TECRL: variants seen among roughly 807,000 people sequenced by gnomAD.
The protein encoded by TECRL is trans-2,3-enoyl-CoA reductase like.
A neutral mutation model predicts 52.8 loss-of-function variants in TECRL; 63 were observed. That is an observed-to-expected ratio of 1.19 (90% CI 0.97 to 1.47). TECRL has a LOEUF of 1.47. TECRL is among the 40% of genes most tolerant of loss of function. TECRL has a pLI of 0.00. For missense variants in TECRL, 482 were observed against 429.6 expected (o/e 1.12, Z -1.08); for synonymous variants, 164 against 141.9 (o/e 1.16, Z -1.10).
At chr4:64,301,658 A>T (rs926305065) in intron 7 of TECRL, among the ~76,000 whole-genome samples, 1 of 151,262 alleles carries the variant, frequency 6.6e-6, no homozygotes, top group African/African-American at 2.4e-5. Flanking sequence ...GATATCTTGT[A>T]ATCTGGGAGG....
intron 1 of TECRL, among the ~76,000 whole-genome samples, chr4:64,396,133 T>G (rs1203872961): frequency 7.1e-6 from 1 of 141,610 alleles, no homozygotes; most frequent in Admixed American, 7.3e-5. Flanking sequence ...GTGATGAATA[T>G]ACATGTGCAT....
At chr4:64,358,731 T>C (rs1462709957) in intron 2 of TECRL, among the ~76,000 whole-genome samples, 1 of 151,774 alleles carries the variant, frequency 6.6e-6, no homozygotes, top group Admixed American at 6.6e-5. Context: ...ACAAATTGAA[T>C]TTTAAAAATT....
intron 3 of TECRL, 60 bp from the exon 4 acceptor site, chr4:64,322,852 G>C: frequency 8.1e-7 from 1 of 1,229,242 alleles, no homozygotes. Context: ...TAACGATAAA[G>C]AATTTCTTAG....
At chr4:64,381,655 G>A (rs996291444) in intron 1 of TECRL, among the ~76,000 whole-genome samples, 3 of 151,816 alleles carry the variant, frequency 2.0e-5, no homozygotes, top group Non-Finnish European at 4.4e-5. Flanking sequence ...GTAATCATAT[G>A]CATTTTATCC....
chr4:64,354,960 A>G (rs1720661200), intron 2 of TECRL, among the ~76,000 whole-genome samples: 2 of 152,206 alleles, frequency 1.3e-5, no homozygotes, highest in South Asian at 4.1e-4. Flanking sequence ...AGTAAAAAGA[A>G]CCATGATATG....
At position 64,294,834 on chromosome 4, in the gene TECRL, C is replaced by T. The variant is rs543534126; in HGVS notation, c.775-5067G>A. Among the ~76,000 whole-genome samples, 60 of 151,902 alleles carry T rather than the reference C, an allele frequency of 3.9e-4. No individual in the cohort carries two copies. In the South Asian group the frequency reaches 0.012, roughly 32 times the overall value. On this transcript the variant is annotated intron_variant, in intron 8 of 11. Coordinates refer to ENST00000381210, the MANE Select transcript of TECRL (RefSeq NM_001010874.5). ...TGAATCAATATTTCAAAAATAAGGA[C>T]AATTGTAGCTAAATATATTATTACA...
intron 1 of TECRL, among the ~76,000 whole-genome samples, chr4:64,400,751 A>T (rs1453169067): frequency 6.6e-6 from 1 of 152,030 alleles, no homozygotes. Context: ...TGCTTTGGTC[A>T]TGGGAAGTGC....
At chr4:64,311,952 G>A (rs532970403) in intron 5 of TECRL, among the ~76,000 whole-genome samples, 7 of 152,114 alleles carry the variant, frequency 4.6e-5, no homozygotes, top group South Asian at 2.1e-4. Flanking sequence ...GAGGCATGGC[G>A]CTACACCAGG....
intron 7 of TECRL, among the ~76,000 whole-genome samples, chr4:64,300,934 T>C (rs963029525): frequency 6.6e-6 from 1 of 151,004 alleles, no homozygotes; most frequent in South Asian, 2.1e-4. Context: ...GTGTGATAAA[T>C]AATACTGCTT....
chr4:64,333,591 C>A (rs551249470), intron 2 of TECRL, among the ~76,000 whole-genome samples: 47 of 152,144 alleles, frequency 3.1e-4, no homozygotes, highest in Middle Eastern at 3.4e-3. Context: ...ATATATACAA[C>A]CATAATGTAC....
intron 6 of TECRL, among the ~76,000 whole-genome samples, chr4:64,306,277 T>C (rs1210580253): frequency 6.6e-6 from 1 of 152,074 alleles, no homozygotes; most frequent in East Asian, 1.9e-4. Context: ...GTTGGGAATG[T>C]TTATTCTGTT....
intron 2 of TECRL, among the ~76,000 whole-genome samples, chr4:64,344,536 G>C (rs1295905007): frequency 2.0e-5 from 3 of 152,134 alleles, no homozygotes; most frequent in Non-Finnish European, 1.5e-5. Context: ...CTTTACACTT[G>C]CTTACTATTC....
intron 1 of TECRL, among the ~76,000 whole-genome samples, chr4:64,394,420 C>T (rs568102100): frequency 1.8e-4 from 27 of 152,206 alleles, no homozygotes; most frequent in South Asian, 8.3e-4. Context: ...AGTGGACATG[C>T]GCCTCCAGAA....
Position 64,289,729 on chromosome 4 carries a change from C to T in TECRL, c.813G>A (p.Leu271=). 3 of 1,548,866 alleles carry T rather than the reference C, an allele frequency of 1.9e-6. No individual in the cohort carries two copies. The highest frequency in any genetic ancestry group is 2.6e-6 in the Non-Finnish European group (3 of 1,157,126). The change falls in exon 9 of 12, where the codon TTG becomes TTA. Residue 271 remains leucine, a synonymous_variant. Transcript: ENST00000381210. The stretch of plus-strand genomic sequence containing the variant: ...ACTAACCTGTGTGATTGGGATGAGA[C>T]AACATTACATTGATGAAATGATTCC... ...EAGNHFINVM[L]SHPNHTGNNA...
At chr4:64,327,232 T>C (rs1380790233) in intron 3 of TECRL, among the ~76,000 whole-genome samples, 1 of 152,072 alleles carries the variant, frequency 6.6e-6, no homozygotes, top group East Asian at 1.9e-4. Context: ...CAGTTCTTTT[T>C]AAGGACACTG....
intron 1 of TECRL, among the ~76,000 whole-genome samples, chr4:64,382,301 A>G (rs1173396127): frequency 1.4e-4 from 20 of 145,192 alleles, no homozygotes; most frequent in African/African-American, 4.8e-4. Flanking sequence ...TATATTATAC[A>G]TTATATTATA....
At chr4:64,319,479 C>A (rs1048714673) in intron 4 of TECRL, among the ~76,000 whole-genome samples, 2 of 151,680 alleles carry the variant, frequency 1.3e-5, no homozygotes, top group Non-Finnish European at 3.0e-5. Flanking sequence ...GAAAACAATT[C>A]TTTCAGTGAA....
intron 9 of TECRL, among the ~76,000 whole-genome samples, chr4:64,282,119 G>A (rs17084620): frequency 0.017 from 2,569 of 151,872 alleles, 102 homozygotes; most frequent in African/African-American, 0.058. Context: ...GAGATACCAC[G>A]TTTCTGTTCA....
chr4:64,353,517 T>C (rs10006508), intron 2 of TECRL, among the ~76,000 whole-genome samples: 100,783 of 151,968 alleles, frequency 0.66, 34,788 homozygotes, highest in Non-Finnish European at 0.76. Context: ...GGATATAGAA[T>C]GTAAGAGAGA....
Sources: allele counts gnomAD v4.1 joint callset (sites outside exome capture counted in the v4.1 genomes callset), GRCh38; gene constraint gnomAD v4.1.1; transcripts MANE v1.5; gene names NCBI Gene and HGNC (gene_info 2026-07-23, HGNC 2026-07-21).